Variants in ESCO2 observed in about 807,000 individuals in gnomAD.
ESCO2 encodes the protein N-acetyltransferase ESCO2.
Under a neutral mutation model 61.7 loss-of-function variants are expected in ESCO2, and 51 were observed. The ratio of observed to expected loss-of-function variants is 0.83; its 90% CI spans 0.66 to 1.04. The LOEUF is 1.04. Among genes scored for constraint, ESCO2 ranks in the 50% least tolerant of loss-of-function variants. The pLI, the probability that ESCO2 is intolerant of heterozygous loss-of-function variation, is 0.00. For missense variants in ESCO2, 692 were observed against 686.2 expected, an observed-to-expected ratio of 1.01 and a Z score of -0.09; for synonymous variants, 230 against 238.2, an observed-to-expected ratio of 0.97 and a Z score of 0.32.
At chr8:27,788,058 CA>C (rs1358953793) in intron 6 of ESCO2, 56 bp downstream of exon 6, 4 of 1,261,530 alleles carry the variant, frequency 3.2e-6, no homozygotes, top group African/African-American at 1.5e-5. Flanking sequence ...AAAAGCTTGC[CA>C]ACCCCTGTAT....
intron 3 of ESCO2, chr8:27,777,468 C>G (rs1466784917): frequency 4.6e-6 from 1 of 216,684 alleles, no homozygotes; most frequent in Non-Finnish European, 9.1e-6. Flanking sequence ...CCGGCTAATT[C>G]TTGCATTTTT....
chr8:27,805,505 TTTTG>T (rs200370473), downstream of ESCO2, among the ~76,000 whole-genome samples: 1,447 of 152,244 alleles, frequency 9.5e-3, 23 homozygotes, highest in African/African-American at 0.032. Flanking sequence ...GTTGGGTGTT[TTTTG>T]TTTGTTTGTT....
chr8:27,796,732 T>G (rs567028029), intron 9 of ESCO2, among the ~76,000 whole-genome samples: 47 of 152,364 alleles, frequency 3.1e-4, no homozygotes, highest in African/African-American at 1.1e-3. Context: ...ATGAATGTTC[T>G]GTGTGCACTT....
downstream of ESCO2, among the ~76,000 whole-genome samples, chr8:27,810,803 C>T (rs1805662482): frequency 1.3e-5 from 2 of 152,120 alleles, no homozygotes; most frequent in African/African-American, 4.8e-5. Flanking sequence ...CAATTTTTCT[C>T]CCTATTCTCA....
Position 27,799,600 on chromosome 8 carries a change from TA to T in ESCO2, c.1558del (p.Arg520GlyfsTer16), listed in dbSNP as rs1805378993. On this transcript the variant is annotated frameshift_variant, in exon 10 of 11. Coordinates refer to ENST00000305188, the MANE Select transcript of ESCO2 (RefSeq NM_001017420.3). LOFTEE classifies it high-confidence loss of function. ...PESPSSTECP[R>X]AWQCSDVPEP... ...AATCCCCAAGCTCTACGGAATGTCCTAGGGCTTGGCAATGTTCAGATGTACC... is the reference window on the plus strand; with the variant it reads ...AATCCCCAAGCTCTACGGAATGTCCTGGGCTTGGCAATGTTCAGATGTACC... 1 of 1,613,938 alleles carries T rather than the reference TA, an allele frequency of 6.2e-7. No individual in the cohort carries two copies.
Position 27,775,566 on chromosome 8 carries a change from A to C in ESCO2, c.52A>C (p.Ser18Arg). ...KRKQDSLKCD[S>R]LLHFTENLFP... ...GAAGCAGGATTCTTTGAAGTGTGACAGGTGAATCTCAGCCTGTGAATAGAA... is the reference window on the plus strand; with the variant it reads ...GAAGCAGGATTCTTTGAAGTGTGACCGGTGAATCTCAGCCTGTGAATAGAA... Residue 18 changes from serine to arginine, a missense_variant and splice_region_variant, in exon 2 of 11, where the codon AGC becomes CGC. By Grantham distance (110) the Ser-to-Arg change is moderately radical. Transcript: ENST00000305188. The C allele has an allele frequency of 6.2e-7, 1 of 1,614,098 alleles. No homozygotes were observed. The highest frequency in any genetic ancestry group is 8.5e-7 in the Non-Finnish European group (1 of 1,179,940).
chr8:27,796,639 T>C (rs1030182510), intron 9 of ESCO2, among the ~76,000 whole-genome samples: 4 of 152,230 alleles, frequency 2.6e-5, no homozygotes, highest in Non-Finnish European at 4.4e-5. Flanking sequence ...CCATTGGTTG[T>C]TCAGGAGCAT....
chr8:27,778,573 A>G (rs1056159103), intron 3 of ESCO2: 1 of 152,192 alleles, frequency 6.6e-6, no homozygotes, highest in Non-Finnish European at 1.5e-5. Context: ...TCAAGCTAAA[A>G]TTGTCTCAAT....
chr8:27,777,863 C>T (rs1446079650), intron 3 of ESCO2: 1 of 152,080 alleles, frequency 6.6e-6, no homozygotes, highest in Non-Finnish European at 1.5e-5. Context: ...ATATGATACC[C>T]AGTACACTCA....
At chr8:27,809,942 CTAA>C (rs913408692), downstream of ESCO2, 2 of 219,968 alleles carry the variant, frequency 9.1e-6, no homozygotes, top group African/African-American at 4.8e-5. Context: ...GTACAAAGTG[CTAA>C]TGTCAGTAGA....
At chr8:27,772,241 A>G (rs1157240536), upstream of ESCO2, among the ~76,000 whole-genome samples, 1 of 152,190 alleles carries the variant, frequency 6.6e-6, no homozygotes, top group African/African-American at 2.4e-5. Flanking sequence ...GAGTGACGGG[A>G]CGTCTTTCCG....
At chr8:27,785,429 C>T (rs577172728) in intron 5 of ESCO2, among the ~76,000 whole-genome samples, 1 of 152,298 alleles carries the variant, frequency 6.6e-6, no homozygotes, top group South Asian at 2.1e-4. Flanking sequence ...AGGCCAGGCG[C>T]AGTGGCTCAT....
At chr8:27,790,716 A>T (rs1456550065) in intron 7 of ESCO2, among the ~76,000 whole-genome samples, 1 of 152,184 alleles carries the variant, frequency 6.6e-6, no homozygotes, top group Admixed American at 6.5e-5. Context: ...TTTTCAAGAC[A>T]TAGTGTTAGA....
At chr8:27,819,213 A>T in the ESCO2 span, among the ~76,000 whole-genome samples, 1 of 152,152 alleles carries the variant, frequency 6.6e-6, no homozygotes, top group African/African-American at 2.4e-5. Context: ...ATTAATTCTG[A>T]CATGTTCTAG....
chr8:27,806,796 AGTAGAGACGGGG>A (rs1215632444), downstream of ESCO2, among the ~76,000 whole-genome samples: 2 of 151,906 alleles, frequency 1.3e-5, no homozygotes, highest in African/African-American at 4.8e-5. Context: ...TTGTATTTTT[AGTAGAGACGGGG>A]TTTTACCATG....
chr8:27,818,027 TGTATTGGACA>T, the ESCO2 span, among the ~76,000 whole-genome samples: 1 of 152,222 alleles, frequency 6.6e-6, no homozygotes, highest in Non-Finnish European at 1.5e-5. Flanking sequence ...TCATAACTAC[TGTATTGGACA>T]GTACCACTCC....
At chr8:27,816,343 CTA>C (rs767822258), downstream of ESCO2, among the ~76,000 whole-genome samples, 47 of 136,344 alleles carry the variant, frequency 3.4e-4, 1 homozygote, top group African/African-American at 1.1e-3. Flanking sequence ...TCATCGAATA[CTA>C]TATATATATA....
downstream of ESCO2, among the ~76,000 whole-genome samples, chr8:27,816,343 C>CTA (rs767822258): frequency 4.8e-4 from 66 of 136,380 alleles, no homozygotes; most frequent in South Asian, 1.2e-3. Flanking sequence ...TCATCGAATA[C>CTA]TATATATATA....
chr8:27,786,424 CTG>C (rs757800329), intron 5 of ESCO2, among the ~76,000 whole-genome samples: 10 of 152,342 alleles, frequency 6.6e-5, no homozygotes, highest in Admixed American at 1.3e-4. Context: ...GCAAGAAACA[CTG>C]TGCCTGGGCA....
Sources: allele counts gnomAD v4.1 joint callset (sites outside exome capture counted in the v4.1 genomes callset), GRCh38; gene constraint gnomAD v4.1.1; transcripts MANE v1.5; gene names NCBI Gene and HGNC (gene_info 2026-07-23, HGNC 2026-07-21).